Variants in PSMB7 observed in about 807,000 individuals in gnomAD.
PSMB7 encodes proteasome 20S subunit beta 7, also known as proteasome subunit beta type-7.
PSMB7 carries 5 observed loss-of-function variants against 28.1 expected under a neutral mutation model. The ratio of observed to expected loss-of-function variants is 0.18; its 90% confidence interval spans 0.09 to 0.37. The LOEUF is 0.37. Among genes scored for constraint, PSMB7 ranks in the 10% least tolerant of loss-of-function variants. The probability of loss-of-function intolerance (pLI) is 1.00; values close to 1 mark genes in which losing one functional copy is unlikely to be tolerated. For synonymous variants in PSMB7, 122 were observed against 123.7 expected (o/e 0.99, Z 0.09); for missense variants, 275 against 346.2 (o/e 0.79, Z 1.63).
intron 6 of PSMB7, among the ~76,000 whole-genome samples, chr9:124,377,182 G>A (rs910726640): frequency 6.6e-6 from 1 of 152,110 alleles, no homozygotes; most frequent in Non-Finnish European, 1.5e-5. Context: ...TTTACAGGCC[G>A]CATCTAACGC....
intron 6 of PSMB7, among the ~76,000 whole-genome samples, chr9:124,364,801 G>GTAA (rs375290901): frequency 9.3e-4 from 141 of 152,332 alleles, no homozygotes; most frequent in African/African-American, 3.2e-3. Context: ...GATAAGGAGA[G>GTAA]TAAGCAATGA....
At chr9:124,413,233 C>T (rs1239126965) in intron 3 of PSMB7, among the ~76,000 whole-genome samples, 2 of 145,460 alleles carry the variant, frequency 1.4e-5, no homozygotes, top group Non-Finnish European at 3.0e-5. Context: ...AATAAAAACA[C>T]TCTACAAGCA....
At chr9:124,361,062 T>A (rs540171814) in intron 6 of PSMB7, among the ~76,000 whole-genome samples, 19 of 151,650 alleles carry the variant, frequency 1.3e-4, no homozygotes, top group African/African-American at 4.6e-4. Flanking sequence ...CACAGAGAAG[T>A]TCCTATAATA....
intron 6 of PSMB7, among the ~76,000 whole-genome samples, chr9:124,381,783 C>A (rs1329134502): frequency 1.3e-5 from 2 of 152,222 alleles, no homozygotes; most frequent in Non-Finnish European, 2.9e-5. Context: ...TTAATATTCA[C>A]CAAAAGCAAA....
intron 5 of PSMB7, among the ~76,000 whole-genome samples, chr9:124,389,374 C>T (rs1830761210): frequency 6.6e-6 from 1 of 152,202 alleles, no homozygotes. Context: ...CCTTTCAGCA[C>T]ACCCACGGTT....
At chr9:124,414,245 C>G (rs953546373) in intron 2 of PSMB7, among the ~76,000 whole-genome samples, 1 of 152,204 alleles carries the variant, frequency 6.6e-6, no homozygotes, top group South Asian at 2.1e-4. Flanking sequence ...AAGTGAGGCT[C>G]AGGTGTCGGG....
At chr9:124,395,245 G>A (rs531953342) in intron 5 of PSMB7, among the ~76,000 whole-genome samples, 1 of 152,208 alleles carries the variant, frequency 6.6e-6, no homozygotes, top group South Asian at 2.1e-4. Context: ...AGCACTCTGG[G>A]AAGCCAAGGC....
intron 6 of PSMB7, among the ~76,000 whole-genome samples, chr9:124,373,844 C>T (rs1449863209): frequency 6.6e-6 from 1 of 152,204 alleles, no homozygotes; most frequent in African/African-American, 2.4e-5. Context: ...GGTAGTTCCA[C>T]AAAAGGTTAA....
At chr9:124,411,945 C>A (rs933234939) in intron 4 of PSMB7, among the ~76,000 whole-genome samples, 2 of 149,608 alleles carry the variant, frequency 1.3e-5, no homozygotes, top group East Asian at 3.9e-4. Flanking sequence ...TTTTCATTCA[C>A]TGTTATTTTG....
chr9:124,396,837 A>G (rs532895052), intron 5 of PSMB7: 2 of 470,492 alleles, frequency 4.3e-6, no homozygotes, highest in African/African-American at 2.0e-5. Context: ...AGCTTGCCTA[A>G]TAAAGAAAAG....
intron 6 of PSMB7, among the ~76,000 whole-genome samples, chr9:124,379,782 A>G (rs1287069481): frequency 6.6e-6 from 1 of 152,188 alleles, no homozygotes; most frequent in African/African-American, 2.4e-5. Context: ...ACGCTGTTTG[A>G]GAAGTGTACT....
chr9:124,393,461 C>T (rs1409622501), intron 5 of PSMB7, among the ~76,000 whole-genome samples: 1 of 152,206 alleles, frequency 6.6e-6, no homozygotes, highest in Non-Finnish European at 1.5e-5. Flanking sequence ...TCCTTTTCAT[C>T]AGCAAATGTA....
At chr9:124,413,059 T>C (rs1005877431) in intron 3 of PSMB7, among the ~76,000 whole-genome samples, 1 of 141,924 alleles carries the variant, frequency 7.0e-6, no homozygotes, top group Non-Finnish European at 1.5e-5. Flanking sequence ...CTCATGCCTG[T>C]AATCCCAGCA....
chr9:124,380,159 G>T (rs892393224), intron 6 of PSMB7, among the ~76,000 whole-genome samples: 1 of 152,240 alleles, frequency 6.6e-6, no homozygotes, highest in African/African-American at 2.4e-5. Context: ...TATATTCAAA[G>T]AACAGTGAGC....
chr9:124,397,400 G>A (rs1229358904), intron 5 of PSMB7, among the ~76,000 whole-genome samples: 2 of 152,258 alleles, frequency 1.3e-5, no homozygotes, highest in African/African-American at 2.4e-5. Flanking sequence ...AGGAAGGCCA[G>A]TCCTCAGAGA....
At chr9:124,398,375 A>C (rs1219542275) in intron 5 of PSMB7, 1 of 221,738 alleles carries the variant, frequency 4.5e-6, no homozygotes, top group Non-Finnish European at 1.0e-5. Flanking sequence ...CCACGGAACA[A>C]TGGCTGAAAG....
intron 5 of PSMB7, among the ~76,000 whole-genome samples, chr9:124,402,221 G>A (rs761889574): frequency 2.6e-5 from 4 of 152,094 alleles, no homozygotes; most frequent in African/African-American, 4.8e-5. Flanking sequence ...CCCATCACCC[G>A]GAACTCAAAT....
intron 6 of PSMB7, among the ~76,000 whole-genome samples, chr9:124,377,575 T>C (rs750361581): frequency 3.3e-5 from 5 of 152,250 alleles, no homozygotes; most frequent in East Asian, 1.9e-4. Flanking sequence ...AGTGGATCTA[T>C]AGCTGCCTGC....
intron 6 of PSMB7, among the ~76,000 whole-genome samples, chr9:124,364,362 C>G (rs1285466657): frequency 2.0e-5 from 3 of 152,016 alleles, no homozygotes; most frequent in Non-Finnish European, 2.9e-5. Context: ...TGCTGGAATC[C>G]GTGACAGTGA....
Sources: allele counts gnomAD v4.1 joint callset (sites outside exome capture counted in the v4.1 genomes callset), GRCh38; gene constraint gnomAD v4.1.1; transcripts MANE v1.5; gene names NCBI Gene and HGNC (gene_info 2026-07-23, HGNC 2026-07-21).